EHBP1: variants seen among roughly 807,000 people sequenced by gnomAD.
EHBP1 encodes EH domain binding protein 1, also known as EH domain-binding protein 1.
Under a neutral mutation model 144.0 loss-of-function variants are expected in EHBP1, and 55 were observed. The ratio of observed to expected loss-of-function variants is 0.38; its 90% CI spans 0.31 to 0.48. EHBP1 has a LOEUF of 0.48. Among genes scored for constraint, EHBP1 ranks in the 20% least tolerant of loss-of-function variants. The pLI is 0.98. For synonymous variants in EHBP1, 469 were observed against 472.7 expected (o/e 0.99, Z 0.10); for missense variants, 1,200 against 1,364.2 (o/e 0.88, Z 1.90).
chr2:62,850,963 A>C (rs2152758138), intron 7 of EHBP1, among the ~76,000 whole-genome samples: 1 of 152,324 alleles, frequency 6.6e-6, no homozygotes, highest in East Asian at 1.9e-4. Flanking sequence ...CAACTGTCTA[A>C]AACTAATAGC....
At chr2:62,692,659 G>A (rs559793736) in intron 1 of EHBP1, among the ~76,000 whole-genome samples, 1 of 151,946 alleles carries the variant, frequency 6.6e-6, no homozygotes, top group Non-Finnish European at 1.5e-5. Flanking sequence ...AGTGCTTGTT[G>A]GTCATTTATA....
At chr2:62,748,088 A>G (rs1406408486) in intron 3 of EHBP1, among the ~76,000 whole-genome samples, 1 of 152,126 alleles carries the variant, frequency 6.6e-6, no homozygotes, top group Non-Finnish European at 1.5e-5. Flanking sequence ...ATAACATAAT[A>G]GTTAAGTTAC....
At chr2:63,020,876 C>G (rs1374384601) in intron 19 of EHBP1, among the ~76,000 whole-genome samples, 1 of 151,656 alleles carries the variant, frequency 6.6e-6, no homozygotes, top group African/African-American at 2.4e-5. Context: ...ACAGGTTTCA[C>G]CATGTTGGCC....
At chr2:62,979,758 T>G (rs2058877333) in intron 15 of EHBP1, among the ~76,000 whole-genome samples, 1 of 152,202 alleles carries the variant, frequency 6.6e-6, no homozygotes, top group Non-Finnish European at 1.5e-5. Context: ...TATTCTGGCA[T>G]TATAGCCTGA....
chr2:62,835,012 G>T (rs1020559446), intron 7 of EHBP1, among the ~76,000 whole-genome samples: 1 of 152,116 alleles, frequency 6.6e-6, no homozygotes, highest in Non-Finnish European at 1.5e-5. Flanking sequence ...TTCTATAAAA[G>T]TTTATTCTCT....
intron 5 of EHBP1, among the ~76,000 whole-genome samples, chr2:62,783,377 AC>A (rs2042578878): frequency 6.6e-6 from 1 of 151,956 alleles, no homozygotes; most frequent in African/African-American, 2.4e-5. Flanking sequence ...CCCAGTGGGG[AC>A]TCTGTGTAGG....
At chr2:62,875,041 GC>G (rs1436101611) in intron 10 of EHBP1, among the ~76,000 whole-genome samples, 2 of 151,984 alleles carry the variant, frequency 1.3e-5, no homozygotes, top group Non-Finnish European at 2.9e-5. Context: ...GCTGGTGTAA[GC>G]ATATGCACAC....
At chr2:62,805,754 C>T (rs943898360) in intron 5 of EHBP1, among the ~76,000 whole-genome samples, 7 of 152,248 alleles carry the variant, frequency 4.6e-5, no homozygotes, top group South Asian at 2.1e-4. Flanking sequence ...TGACCTCAAA[C>T]AGTCTGCCTG....
At chr2:62,886,736 C>A (rs1186258959) in intron 10 of EHBP1, among the ~76,000 whole-genome samples, 1 of 152,142 alleles carries the variant, frequency 6.6e-6, no homozygotes, top group Non-Finnish European at 1.5e-5. Context: ...TTTAGTTAGG[C>A]AAAACAGTTT....
chr2:62,838,208 A>G (rs1191728743), intron 7 of EHBP1, among the ~76,000 whole-genome samples: 1 of 152,200 alleles, frequency 6.6e-6, no homozygotes, highest in Non-Finnish European at 1.5e-5. Flanking sequence ...GCTCAACTAC[A>G]TGGAAACTGA....
Position 62,693,204 on chromosome 2 carries a change from A to G in EHBP1, c.-295-13693A>G, listed in dbSNP as rs542362759. On this transcript the variant is annotated intron_variant, in intron 1 of 22. Coordinates refer to the EHBP1 transcript ENST00000405015. The stretch of plus-strand genomic sequence containing the variant: ...AAATAACAGTATCTCATTCTTTTTT[A>G]TGGCTGAATAGTACTCCATTGTGTA... Among the ~76,000 whole-genome samples the G allele has an allele frequency of 1.9e-4, 29 of 152,204 alleles. No homozygotes were observed. In the South Asian group the frequency reaches 5.2e-3, roughly 27 times the overall value.
At chr2:62,919,466 A>G (rs1426554453) in intron 10 of EHBP1, among the ~76,000 whole-genome samples, 1 of 152,218 alleles carries the variant, frequency 6.6e-6, no homozygotes, top group Non-Finnish European at 1.5e-5. Flanking sequence ...ACCTCAGACT[A>G]ATCCTCAGTA....
intron 2 of EHBP1, among the ~76,000 whole-genome samples, chr2:62,717,567 T>C (rs561798991): frequency 3.3e-5 from 5 of 152,356 alleles, no homozygotes; most frequent in African/African-American, 9.6e-5. Context: ...ATTTGTCTTA[T>C]GTATCACTGT....
chr2:62,843,221 T>C (rs1045718171), intron 7 of EHBP1, among the ~76,000 whole-genome samples: 3 of 152,186 alleles, frequency 2.0e-5, no homozygotes, highest in African/African-American at 7.2e-5. Context: ...ATCTGAAACA[T>C]ATTAGGAATT....
At chr2:62,883,747 T>G (rs1266113609) in intron 10 of EHBP1, among the ~76,000 whole-genome samples, 1 of 152,122 alleles carries the variant, frequency 6.6e-6, no homozygotes, top group East Asian at 1.9e-4. Context: ...GAGGATTGCT[T>G]GAGCCTAGGA....
chr2:62,864,857 T>C lies in EHBP1; in HGVS notation c.884T>C (p.Val295Ala), dbSNP rs772808001. The part of the protein sequence containing the change: ...LNPFDEPEAF[V>A]TIKDSPPQST... ...CCATTCGATGAGCCAGAAGCATTTGTGACCATAAAGGATTCTCCTCCCCAG... is the reference window on the plus strand; with the variant it reads ...CCATTCGATGAGCCAGAAGCATTTGCGACCATAAAGGATTCTCCTCCCCAG... Residue 295 changes from valine (V) to alanine (A), a missense_variant, in exon 9 of 23, where the codon GTG (valine) becomes GCG (alanine). Coordinates refer to ENST00000431489, the MANE Select transcript of EHBP1 (RefSeq NM_001142616.3). The C allele has an allele frequency of 1.9e-6, 3 of 1,614,112 alleles. No homozygotes were observed. The highest frequency in any genetic ancestry group is 2.5e-6 in the Non-Finnish European group (3 of 1,179,992).
At chr2:63,017,319 C>T (rs974928168) in intron 19 of EHBP1, among the ~76,000 whole-genome samples, 5 of 152,162 alleles carry the variant, frequency 3.3e-5, no homozygotes, top group African/African-American at 1.2e-4. Flanking sequence ...CCACCGTCCC[C>T]GGCCCAGCCA....
chr2:62,875,014 C>A (rs760978339), intron 10 of EHBP1, among the ~76,000 whole-genome samples: 1 of 152,102 alleles, frequency 6.6e-6, no homozygotes, highest in South Asian at 2.1e-4. Flanking sequence ...ATGTGTGCAC[C>A]CTGCCACCCC....
intron 14 of EHBP1, among the ~76,000 whole-genome samples, chr2:62,957,848 G>A (rs1032726863): frequency 6.6e-5 from 10 of 151,840 alleles, no homozygotes; most frequent in East Asian, 3.9e-4. Flanking sequence ...GGGTTTCACC[G>A]TGATAGCCAG....
Sources: allele counts gnomAD v4.1 joint callset (sites outside exome capture counted in the v4.1 genomes callset), GRCh38; gene constraint gnomAD v4.1.1; transcripts MANE v1.5; gene names NCBI Gene and HGNC (gene_info 2026-07-23, HGNC 2026-07-21).